Variants in KIAA1328 observed in about 807,000 individuals in gnomAD.
KIAA1328 encodes the protein KIAA1328.
A neutral mutation model predicts 68.1 loss-of-function variants in KIAA1328; 52 were observed. The ratio of observed to expected loss-of-function variants is 0.76; its 90% CI spans 0.61 to 0.96. KIAA1328 has a LOEUF of 0.96. Ranked by LOEUF, KIAA1328 falls within the 40% of genes least tolerant of loss-of-function variation. The pLI is 0.00. For missense variants in KIAA1328, 641 were observed against 677.6 expected (o/e 0.95, Z 0.60); for synonymous variants, 232 against 239.4 (o/e 0.97, Z 0.28).
chr18:37,145,212 T>G (rs1251037548), intron 7 of KIAA1328, among the ~76,000 whole-genome samples: 3 of 150,656 alleles, frequency 2.0e-5, no homozygotes, highest in Admixed American at 6.6e-5. Context: ...CTCACAAAAA[T>G]AAAGAAAGAA....
At chr18:36,845,759 T>G (rs2047006501) in intron 4 of KIAA1328, among the ~76,000 whole-genome samples, 1 of 151,348 alleles carries the variant, frequency 6.6e-6, no homozygotes. Context: ...AAACAAAGAG[T>G]CTAGAAATAA....
chr18:37,143,674 T>G (rs1466706566), intron 7 of KIAA1328, among the ~76,000 whole-genome samples: 1 of 152,020 alleles, frequency 6.6e-6, no homozygotes, highest in African/African-American at 2.4e-5. Context: ...TACAAGTTTT[T>G]GGTAGCTGTC....
At chr18:37,083,798 C>G (rs2057019532) in intron 7 of KIAA1328, among the ~76,000 whole-genome samples, 1 of 152,180 alleles carries the variant, frequency 6.6e-6, no homozygotes, top group Non-Finnish European at 1.5e-5. Context: ...TCGCAGTACA[C>G]TTGCTTACAA....
intron 4 of KIAA1328, among the ~76,000 whole-genome samples, chr18:36,877,184 T>C (rs1016126689): frequency 6.6e-6 from 1 of 152,230 alleles, no homozygotes; most frequent in Non-Finnish European, 1.5e-5. Flanking sequence ...TGTAGATGTC[T>C]ATTAGGTCTG....
intron 4 of KIAA1328, among the ~76,000 whole-genome samples, 175 bp downstream of exon 4, chr18:36,844,477 G>A (rs2046962085): frequency 6.6e-6 from 1 of 151,892 alleles, no homozygotes; most frequent in Non-Finnish European, 1.5e-5. Context: ...TAAAAAAGAA[G>A]CATCAAAAGC....
chr18:37,134,594 ATGT>A (rs1219617845), intron 7 of KIAA1328, among the ~76,000 whole-genome samples: 1 of 152,232 alleles, frequency 6.6e-6, no homozygotes, highest in Non-Finnish European at 1.5e-5. Context: ...GTGATGTCAC[ATGT>A]TGTGTACCTC....
intron 7 of KIAA1328, among the ~76,000 whole-genome samples, chr18:37,138,948 CTTTTTTT>C (rs869053490): frequency 4.5e-3 from 331 of 74,116 alleles, no homozygotes; most frequent in Middle Eastern, 0.036. Flanking sequence ...AAATTTTGTT[CTTTTTTT>C]TTTTTTTTTT....
At chr18:36,993,032 A>G (rs1004641003) in intron 6 of KIAA1328, among the ~76,000 whole-genome samples, 7 of 152,154 alleles carry the variant, frequency 4.6e-5, no homozygotes, top group Non-Finnish European at 7.3e-5. Context: ...GCTTGAGCTT[A>G]GGAGGCCAAG....
chr18:37,222,489 G>A lies in KIAA1328; in HGVS notation c.*262G>A, dbSNP rs976624637. 7.9e-7 allele frequency: 1 copy of A among 1,269,066 alleles called. No individual in the cohort carries two copies. The highest frequency in any genetic ancestry group is 1.0e-6 in the Non-Finnish European group (1 of 1,001,824). 78.6% of individuals were successfully genotyped at this position (1,269,066 alleles called of 1,614,324 possible). A position where few individuals can be genotyped will look rare whatever the true frequency, so the allele number is the denominator to read the frequency against. On this transcript the variant is annotated 3_prime_UTR_variant, in exon 10 of 10. Coordinates refer to ENST00000280020, the MANE Select transcript of KIAA1328 (RefSeq NM_020776.3). Reference sequence around the variant, plus strand: ...TAAACAGATTAGAAAATTAACATAGGATACTTTCTGCGTGGTGGAAACCAT... The same window carrying A: ...TAAACAGATTAGAAAATTAACATAGAATACTTTCTGCGTGGTGGAAACCAT...
chr18:36,888,726 A>G (rs2048582276), intron 5 of KIAA1328, among the ~76,000 whole-genome samples: 1 of 152,154 alleles, frequency 6.6e-6, no homozygotes. Context: ...AAAGGTTAAT[A>G]TAGATGATTT....
At chr18:36,837,265 TC>T (rs1390524716) in intron 3 of KIAA1328, among the ~76,000 whole-genome samples, 3 of 152,158 alleles carry the variant, frequency 2.0e-5, no homozygotes, top group Admixed American at 2.0e-4. Context: ...TTTATGTCCA[TC>T]TTTTTTGAGG....
At chr18:37,083,114 T>G (rs1228656369) in intron 7 of KIAA1328, among the ~76,000 whole-genome samples, 1 of 152,206 alleles carries the variant, frequency 6.6e-6, no homozygotes, top group African/African-American at 2.4e-5. Context: ...TAAAATGTAC[T>G]CCTTGAAGGT....
At chr18:37,070,678 C>T (rs1178030017) in intron 7 of KIAA1328, among the ~76,000 whole-genome samples, 1 of 151,270 alleles carries the variant, frequency 6.6e-6, no homozygotes, top group South Asian at 2.1e-4. Context: ...TCAAGCAATT[C>T]TCCTGCCTCA....
At chr18:36,952,573 T>A (rs1329212522) in intron 5 of KIAA1328, among the ~76,000 whole-genome samples, 1 of 152,228 alleles carries the variant, frequency 6.6e-6, no homozygotes, top group East Asian at 1.9e-4. Context: ...GTTATATCAT[T>A]ACTAAGTACC....
Position 37,142,588 on chromosome 18 carries a change from G to T in KIAA1328, c.1233-17612G>T, listed in dbSNP as rs1393315765. Among the ~76,000 whole-genome samples the T allele has an allele frequency of 2.0e-5, 3 of 151,676 alleles. No individual in the cohort carries two copies. The East Asian group carries it at 5.8e-4, about 29-fold the overall frequency. On this transcript the variant is annotated intron_variant, in intron 7 of 9. Transcript: ENST00000280020. The stretch of plus-strand genomic sequence containing the variant: ...TGAATTGCCTGATACATTTTCAAAG[G>T]TCAGTTGAATGTGTACACACACACA...
In KIAA1328 at chr18:37,222,051, C is replaced by G. The variant is rs2060573740; in HGVS notation, c.1558C>G (p.Leu520Val). 1.2e-6 allele frequency: 2 copies of G among 1,613,682 alleles called. No individual in the cohort carries two copies. Among genetic ancestry groups the G allele is most frequent in the Non-Finnish European group, 1.7e-6 (2 of 1,179,722 alleles). Residue 520 changes from leucine (L) to valine (V), a missense_variant, in exon 10 of 10, where the codon CTG (leucine) becomes GTG (valine). Physicochemically the swap from Leu to Val is conservative, Grantham distance 32. Coordinates refer to ENST00000280020, the MANE Select transcript of KIAA1328 (RefSeq NM_020776.3). ...ATCTTTGTTGGATTTGGTTCAGTCT[C>G]TGAGCCCAAACTCTGCGCCCAAACC... is the stretch of plus-strand genomic sequence containing the variant. ...ETSLLDLVQS[L>V]SPNSAPKPQR...
At chr18:37,034,088 T>C (rs2151594149) in intron 6 of KIAA1328, among the ~76,000 whole-genome samples, 1 of 152,300 alleles carries the variant, frequency 6.6e-6, no homozygotes, top group African/African-American at 2.4e-5. Flanking sequence ...AAACCATCTT[T>C]TAAATGTGTT....
chr18:36,904,667 C>G (rs1363503797), intron 5 of KIAA1328, among the ~76,000 whole-genome samples: 1 of 151,940 alleles, frequency 6.6e-6, no homozygotes, highest in African/African-American at 2.4e-5. Context: ...GCTTTTTATT[C>G]CAATCTGACA....
chr18:36,989,467 G>A (rs2053079657), intron 6 of KIAA1328, among the ~76,000 whole-genome samples: 1 of 152,286 alleles, frequency 6.6e-6, no homozygotes, highest in Admixed American at 6.5e-5. Flanking sequence ...AGAGGTGAAT[G>A]CAGAGGAAGT....
Sources: gnomAD v4.1 joint callset for allele counts (sites outside exome capture counted in the v4.1 genomes callset) on GRCh38, gnomAD v4.1.1 for gene constraint, MANE v1.5 for transcripts, NCBI Gene and HGNC (gene_info 2026-07-23, HGNC 2026-07-21) for gene names.